PEAK3: variants seen among roughly 807,000 people sequenced by gnomAD.
PEAK3 encodes protein PEAK3.
A neutral mutation model predicts 13.3 loss-of-function variants in PEAK3; 15 were observed. The ratio of observed to expected loss-of-function variants is 1.13; its 90% CI spans 0.75 to 1.73. The LOEUF (loss-of-function observed/expected upper bound fraction) is 1.73, where lower values mean the gene tolerates loss of function less well. Ranked by LOEUF, PEAK3 falls within the 40% of genes most tolerant of loss-of-function variation. PEAK3 has a pLI of 0.00. For synonymous variants in PEAK3, 347 were observed against 341.9 expected (o/e 1.01, Z -0.17); for missense variants, 739 against 690.2 (o/e 1.07, Z -0.79).
At chr19:2,276,801 G>A (rs533927545) in intron 3 of PEAK3, among the ~76,000 whole-genome samples, 4 of 152,282 alleles carry the variant, frequency 2.6e-5, no homozygotes, top group African/African-American at 4.8e-5. Context: ...GATCGCTGAG[G>A]TCAGGAGTTC....
In PEAK3 at chr19:2,276,288, G is replaced by A. The variant is rs765433092; in HGVS notation, c.814C>T (p.Gln272Ter). 2.5e-6 allele frequency: 4 copies of A among 1,592,046 alleles called. No individual in the cohort carries two copies. Among genetic ancestry groups the A allele is most frequent in the Non-Finnish European group, 3.4e-6 (4 of 1,176,222 alleles). Residue 272 changes from glutamine to a stop codon, truncating the protein, a stop_gained, in exon 4 of 4, where the codon CAG becomes TAG. Coordinates refer to ENST00000342063, the MANE Select transcript of PEAK3 (RefSeq NM_198532.3). LOFTEE classifies it low-confidence loss of function (END_TRUNC). ...GCCCACACGAACTCCTCCGGCGGCT[G>A]CGTGCAGGCCTCCGCCAGCCACTGC... ...VAQWLAEACT[Q>*]PPEEFVWAVA...
At chr19:2,277,141 C>G (rs2025397631) in intron 3 of PEAK3, among the ~76,000 whole-genome samples, 1 of 152,184 alleles carries the variant, frequency 6.6e-6, no homozygotes. Flanking sequence ...CCTGGGTTAA[C>G]TGCGTTGATT....
chr19:2,276,473 G>A lies in PEAK3; in HGVS notation c.629C>T (p.Ala210Val). ...CAGGCCCCACGGGTGGGGCACGTCCGCCCCGGGCTTGGGCACCTGCAAGGC... is the reference window on the plus strand; with the variant it reads ...CAGGCCCCACGGGTGGGGCACGTCCACCCCGGGCTTGGGCACCTGCAAGGC... The part of the protein sequence containing the change: ...ILVAKVPKPG[A>V]DVPHPWGLEL... The change falls in exon 4 of 4, where the codon GCG becomes GTG. Residue 210 changes from alanine (A) to valine (V), a missense_variant. By Grantham distance (64) the Ala-to-Val change is moderately conservative. Coordinates refer to ENST00000342063, the MANE Select transcript of PEAK3 (RefSeq NM_198532.3). 6.5e-7 allele frequency: 1 copy of A among 1,546,508 alleles called. No homozygotes were observed. Among genetic ancestry groups the A allele is most frequent in the Non-Finnish European group, 8.7e-7 (1 of 1,152,406 alleles).
chr19:2,280,998 G>A lies in PEAK3; in HGVS notation c.-4-63C>T, dbSNP rs1471874413. 3.5e-6 allele frequency: 4 copies of A among 1,131,958 alleles called. No homozygotes were observed. The African/African-American group carries it at 6.4e-5, about 18-fold the overall frequency. The allele number at this position is 1,131,958 out of a possible 1,614,324, so 70.1% of individuals were successfully genotyped here. A position where few individuals can be genotyped will look rare whatever the true frequency, so the allele number is the denominator to read the frequency against. On this transcript the variant is annotated intron_variant, in intron 1 of 3. Transcript: ENST00000342063. ...GTGTGCACGCACAGGGCGACATGGG[G>A]AGGGGTCCGTGAGTGCTGGGGCCTG...
intron 3 of PEAK3, 134 bp downstream of exon 3, chr19:2,278,450 C>A: frequency 1.9e-6 from 2 of 1,073,904 alleles, no homozygotes; most frequent in East Asian, 3.3e-5. Flanking sequence ...CGTGAGCCAC[C>A]GCGCCCGGCT....
Position 2,280,765 on chromosome 19 carries a change from C to A in PEAK3, c.82+85G>T, listed in dbSNP as rs545718575. 2,217 of 955,852 alleles carry A rather than the reference C, an allele frequency of 2.3e-3. 29 individuals carry two copies. Among genetic ancestry groups the A allele is most frequent in the South Asian group, 0.022 (1,377 of 61,500 alleles). The allele number at this position is 955,852 out of a possible 1,614,324, so 59.2% of individuals were successfully genotyped here. ...CATGGTGCCCGGCAACCTCCTGCCG[C>A]TCCCTGCACCCACCTGCCGCTCCCT... On this transcript the variant is annotated intron_variant, in intron 2 of 3. Coordinates refer to ENST00000342063, the MANE Select transcript of PEAK3 (RefSeq NM_198532.3).
chr19:2,279,645 A>G (rs2025423115), intron 2 of PEAK3, among the ~76,000 whole-genome samples: 1 of 151,456 alleles, frequency 6.6e-6, no homozygotes, highest in Non-Finnish European at 1.5e-5. Context: ...GGCAGAGCTT[A>G]CAGAAGGGGA....
In PEAK3 at chr19:2,275,765, C is replaced by T. The variant is rs2025379067; in HGVS notation, c.1337G>A (p.Ser446Asn). 2 of 1,583,592 alleles carry T rather than the reference C, an allele frequency of 1.3e-6. No individual in the cohort carries two copies. Among genetic ancestry groups the T allele is most frequent in the South Asian group, 2.3e-5 (2 of 86,268 alleles). ...TTCGCAACACAGCCAGTCCTCGAGG[C>T]TGGGAGCTTCCCCACCTGCGGCCCG... ...AERAAGGEAP[S>N]LEDWLCCEYL... The change falls in exon 4 of 4, where the codon AGC (serine) becomes AAC (asparagine). Residue 446 changes from serine (S) to asparagine (N), a missense_variant. Transcript: ENST00000342063.
At position 2,280,254 on chromosome 19, in the gene PEAK3, G is replaced by A. The variant is rs1023899777; in HGVS notation, c.82+596C>T. On this transcript the variant is annotated intron_variant, in intron 2 of 3. Transcript: ENST00000342063. ...ATTTTTGTATTTTTAGCAGAGACAG[G>A]TTTTGCCATGTTGGCCAGGCTGGTC... 1.9e-4 allele frequency among the ~76,000 whole-genome samples: 29 copies of A among 151,474 alleles called. 1 individual carries two copies. Among genetic ancestry groups the A allele is most frequent in the Admixed American group, 4.6e-4 (7 of 15,178 alleles).
In PEAK3 at chr19:2,278,030, A is replaced by AT. The variant is rs1278957193; in HGVS notation, c.612+553dup. Among the ~76,000 whole-genome samples, 4 of 147,748 alleles carry AT rather than the reference A, an allele frequency of 2.7e-5. No homozygotes were observed. The East Asian group carries it at 6.1e-4, about 22-fold the overall frequency. On this transcript the variant is annotated intron_variant, in intron 3 of 3. Transcript: ENST00000342063. ...AGGTGCCCACCACCACGCCCGGCTAATTTTTTGTCTTTTTAGTAGAAACAG... is the reference window on the plus strand; with the variant it reads ...AGGTGCCCACCACCACGCCCGGCTAATTTTTTTGTCTTTTTAGTAGAAACAG...
chr19:2,276,968 C>T (rs1030373946), intron 3 of PEAK3, among the ~76,000 whole-genome samples: 29 of 151,984 alleles, frequency 1.9e-4, no homozygotes, highest in Admixed American at 2.6e-4. Flanking sequence ...GCCGAGAACG[C>T]GCCACTGCAC....
chr19:2,276,410 T>A lies in PEAK3; in HGVS notation c.692A>T (p.Gln231Leu), dbSNP rs2025390511. ...TTCAGGCACCAGGCCACACAGCCCCTGCAGATTGAAGTGTGGAGACAGGGA... is the reference window on the plus strand; with the variant it reads ...TTCAGGCACCAGGCCACACAGCCCCAGCAGATTGAAGTGTGGAGACAGGGA... ...QASLSPHFNL[Q>L]GLCGLVPEGT... The change falls in exon 4 of 4, where the codon CAG (glutamine) becomes CTG (leucine). Residue 231 changes from glutamine (Q) to leucine (L), a missense_variant. Coordinates refer to ENST00000342063, the MANE Select transcript of PEAK3 (RefSeq NM_198532.3). The A allele has an allele frequency of 6.3e-7, 1 of 1,598,278 alleles. No individual in the cohort carries two copies. Among genetic ancestry groups the A allele is most frequent in the African/African-American group, 1.3e-5 (1 of 74,710 alleles).
chr19:2,278,424 G>T (rs1055435074), intron 3 of PEAK3, among the ~76,000 whole-genome samples, 160 bp downstream of exon 3: 1 of 143,698 alleles, frequency 7.0e-6, no homozygotes, highest in Non-Finnish European at 1.5e-5. Context: ...GCCTCCCAAA[G>T]TGCTGGGATG....
In PEAK3 at chr19:2,275,529, G is replaced by A. The variant is rs2025376521; in HGVS notation, c.*151C>T. ...CTTGACCCACATCCCCAGCACGGGA[G>A]GGGAGGCTCTGGAGTGGGGCATTGC... On this transcript the variant is annotated 3_prime_UTR_variant, in exon 4 of 4. Coordinates refer to ENST00000342063, the MANE Select transcript of PEAK3 (RefSeq NM_198532.3). 1 of 660,298 alleles carries A rather than the reference G, an allele frequency of 1.5e-6. No individual in the cohort carries two copies. Among genetic ancestry groups the A allele is most frequent in the Non-Finnish European group, 2.2e-6 (1 of 458,406 alleles). The allele number at this position is 660,298 out of a possible 1,614,324, so 40.9% of individuals were successfully genotyped here.
At chr19:2,276,592 A>G in intron 3 of PEAK3, 103 bp from the exon 4 acceptor site, 2 of 968,142 alleles carry the variant, frequency 2.1e-6, no homozygotes, top group Non-Finnish European at 2.9e-6. Flanking sequence ...ACACCCCCAA[A>G]CTGCCCCCAC....
At chr19:2,281,539 C>A (rs2025438738) in intron 1 of PEAK3, among the ~76,000 whole-genome samples, 1 of 99,636 alleles carries the variant, frequency 1.0e-5, no homozygotes, top group Non-Finnish European at 2.0e-5. Flanking sequence ...TGGGGCCCTG[C>A]TGTGTGATCC....
chr19:2,279,022 G>T lies in PEAK3; in HGVS notation c.174C>A (p.Pro58=). 2 of 1,546,406 alleles carry T rather than the reference G, an allele frequency of 1.3e-6. No individual in the cohort carries two copies. The highest frequency in any genetic ancestry group is 8.8e-7 in the Non-Finnish European group (1 of 1,140,726). ...LSTNPEPLPP[P]LPKKILTRTQ... ...TCCGGGTTAGGATCTTCTTGGGCAG[G>T]GGTGGGGGCAGGGGCTCTGGGTTGG... Residue 58 remains proline (P), a synonymous_variant, in exon 3 of 4, where the codon CCC becomes CCA. Transcript: ENST00000342063.
chr19:2,276,610 A>C, intron 3 of PEAK3, 121 bp from the exon 4 acceptor site: 1 of 791,112 alleles, frequency 1.3e-6, no homozygotes. Context: ...CACTACGGCT[A>C]GGGGCTGCCT....
intron 3 of PEAK3, among the ~76,000 whole-genome samples, chr19:2,276,930 T>G: frequency 6.6e-6 from 1 of 152,184 alleles, no homozygotes; most frequent in East Asian, 1.9e-4. Flanking sequence ...GAGAATCGCT[T>G]GAGCCCGGGA....
Sources: gnomAD v4.1 joint callset for allele counts (sites outside exome capture counted in the v4.1 genomes callset) on GRCh38, gnomAD v4.1.1 for gene constraint, MANE v1.5 for transcripts, NCBI Gene and HGNC (gene_info 2026-07-23, HGNC 2026-07-21) for gene names.